Variants in POLA2 observed in about 807,000 individuals in gnomAD.
POLA2 encodes DNA polymerase alpha subunit B.
Under a neutral mutation model 82.8 loss-of-function variants are expected in POLA2, and 47 were observed. The observed-to-expected ratio is 0.57, with a 90% confidence interval of 0.45 to 0.72. The LOEUF (loss-of-function observed/expected upper bound fraction) is 0.72, where lower values mean the gene tolerates loss of function less well. Ranked by LOEUF, POLA2 falls within the 30% of genes least tolerant of loss-of-function variation. The pLI is 0.00. For synonymous variants in POLA2, 287 were observed against 286.8 expected, an observed-to-expected ratio of 1.00 and a Z score of -0.01; for missense variants, 634 against 728.1, an observed-to-expected ratio of 0.87 and a Z score of 1.49.
At chr11:65,263,425 T>C (rs898563359) in intron 1 of POLA2, among the ~76,000 whole-genome samples, 1 of 151,924 alleles carries the variant, frequency 6.6e-6, no homozygotes, top group Non-Finnish European at 1.5e-5. Flanking sequence ...GGTTTCACCA[T>C]GTAGGCCAGA....
chr11:65,271,403 G>C (rs1485842852), intron 4 of POLA2, among the ~76,000 whole-genome samples: 1 of 152,218 alleles, frequency 6.6e-6, no homozygotes, highest in African/African-American at 2.4e-5. Flanking sequence ...TCCGGAGTCT[G>C]ACTCATGGTA....
intron 7 of POLA2, chr11:65,279,857 G>A: frequency 2.2e-6 from 1 of 460,742 alleles, no homozygotes; most frequent in Non-Finnish European, 3.8e-6. Flanking sequence ...TTGCACATAA[G>A]CAGAGACTCA....
intron 4 of POLA2, among the ~76,000 whole-genome samples, chr11:65,271,438 G>A (rs1949520185): frequency 6.6e-6 from 1 of 152,210 alleles, no homozygotes; most frequent in Non-Finnish European, 1.5e-5. Flanking sequence ...AGACTGATGC[G>A]TAAGCCAGGT....
At position 65,295,915 on chromosome 11, in the gene POLA2, G is replaced by A. The variant is rs150210701; in HGVS notation, c.1572G>A (p.Ser524=). 3.4e-5 allele frequency: 55 copies of A among 1,613,940 alleles called. No individual in the cohort carries two copies. The highest frequency in any genetic ancestry group is 4.1e-5 in the Non-Finnish European group (48 of 1,179,936). ...AAGACATGGCCATTGACTATGAGTC[G>A]TTCTATGTTTACGCACAGCTGCCTG... ...PQEDMAIDYE[S]FYVYAQLPVT... Residue 524 remains serine (S), a synonymous_variant, in exon 17 of 18, where the codon TCG becomes TCA. Coordinates refer to ENST00000265465, the MANE Select transcript of POLA2 (RefSeq NM_002689.4).
chr11:65,270,587 T>C (rs182637448), intron 4 of POLA2, among the ~76,000 whole-genome samples: 294 of 152,352 alleles, frequency 1.9e-3, no homozygotes, highest in African/African-American at 6.9e-3. Context: ...TTCCATTGAC[T>C]CAGGCCAAGA....
At chr11:65,268,575 C>T in intron 3 of POLA2, 97 bp from the exon 4 acceptor site, 1 of 723,194 alleles carries the variant, frequency 1.4e-6, no homozygotes, top group Non-Finnish European at 2.4e-6. Context: ...GTCTCCTGAT[C>T]TCGTGATCCG....
intron 4 of POLA2, among the ~76,000 whole-genome samples, chr11:65,269,410 C>G (rs552290781): frequency 6.6e-6 from 1 of 151,434 alleles, no homozygotes; most frequent in South Asian, 2.1e-4. Context: ...TGGCGGGAAC[C>G]TGGGAGGCAG....
chr11:65,283,989 C>T (rs931354372), intron 10 of POLA2, among the ~76,000 whole-genome samples: 10 of 150,972 alleles, frequency 6.6e-5, no homozygotes, highest in Non-Finnish European at 1.5e-4. Flanking sequence ...AAAAAATTAG[C>T]TCGGCATGGT....
intron 17 of POLA2, 138 bp from the exon 18 acceptor site, chr11:65,296,982 G>T: frequency 2.7e-6 from 2 of 732,452 alleles, no homozygotes; most frequent in Non-Finnish European, 4.6e-6. Context: ...CTGAAAATGT[G>T]TCTGGTGATT....
chr11:65,285,717 C>T (rs1345303939), intron 10 of POLA2, among the ~76,000 whole-genome samples: 1 of 152,138 alleles, frequency 6.6e-6, no homozygotes, highest in African/African-American at 2.4e-5. Flanking sequence ...ACCAGAGAAG[C>T]CTTTGGAAAC....
chr11:65,265,419 T>C (rs1949448780), intron 1 of POLA2, among the ~76,000 whole-genome samples: 2 of 152,196 alleles, frequency 1.3e-5, no homozygotes, highest in African/African-American at 4.8e-5. Flanking sequence ...CACTTGACAC[T>C]GTTTGTCATT....
chr11:65,276,580 T>C (rs1384294926), intron 5 of POLA2, among the ~76,000 whole-genome samples: 1 of 152,140 alleles, frequency 6.6e-6, no homozygotes, highest in Non-Finnish European at 1.5e-5. Context: ...ATGTAATTTT[T>C]TGAAATCCAT....
Position 65,277,159 on chromosome 11 carries a change from AT to A in POLA2, c.461+1171del, listed in dbSNP as rs1169827223. Among the ~76,000 whole-genome samples, 310 of 135,710 alleles carry A rather than the reference AT, an allele frequency of 2.3e-3. 1 individual carries two copies. Among genetic ancestry groups the A allele is most frequent in the African/African-American group, 7.7e-3 (282 of 36,700 alleles). 89.0% of individuals were successfully genotyped at this position (135,710 alleles called of 152,430 possible). On this transcript the variant is annotated intron_variant, in intron 5 of 17. Transcript: ENST00000265465. ...GTCATTCAAGGTGAGTGGTCATTGG[AT>A]TTTTTTTTTCTTTTCTTTCTTTTTT... is the stretch of plus-strand genomic sequence containing the variant.
At chr11:65,275,400 G>C (rs1183081199) in intron 4 of POLA2, among the ~76,000 whole-genome samples, 1 of 149,342 alleles carries the variant, frequency 6.7e-6, no homozygotes. Context: ...GTGACCATCA[G>C]ATGTTTGCTA....
rs745852111 is a variant in POLA2 at position 65,295,920 on chromosome 11, A to G, written c.1577A>G (p.Tyr526Cys). 7 of 1,613,972 alleles carry G rather than the reference A, an allele frequency of 4.3e-6. No individual in the cohort carries two copies. Among genetic ancestry groups the G allele is most frequent in the Non-Finnish European group, 5.1e-6 (6 of 1,179,980 alleles). Residue 526 changes from tyrosine (Y) to cysteine (C), a missense_variant, in exon 17 of 18, where the codon TAT (tyrosine) becomes TGT (cysteine). Tyr to Cys is a radical substitution (Grantham distance 194). Coordinates refer to ENST00000265465, the MANE Select transcript of POLA2 (RefSeq NM_002689.4). ...ATGGCCATTGACTATGAGTCGTTCT[A>G]TGTTTACGCACAGCTGCCTGTCACC... The part of the protein sequence containing the change: ...EDMAIDYESF[Y>C]VYAQLPVTPD...
intron 5 of POLA2, among the ~76,000 whole-genome samples, chr11:65,276,429 A>G (rs991958018): frequency 1.3e-5 from 2 of 151,666 alleles, no homozygotes; most frequent in African/African-American, 4.8e-5. Context: ...ATCTTTGTTC[A>G]TAATGTTTCA....
downstream of POLA2, among the ~76,000 whole-genome samples, chr11:65,299,364 G>A (rs80037468): frequency 1.7e-3 from 258 of 152,342 alleles, 10 homozygotes; most frequent in East Asian, 0.046. Flanking sequence ...AGAAGGAGCC[G>A]CCCTCCCTTA....
At chr11:65,295,425 T>C in intron 15 of POLA2, 115 bp from the exon 16 acceptor site, 1 of 869,830 alleles carries the variant, frequency 1.1e-6, no homozygotes, top group South Asian at 1.4e-5. Flanking sequence ...CCTCCTCTTG[T>C]TGCTGTGCCT....
Position 65,267,521 on chromosome 11 carries a change from G to A in POLA2, c.249G>A (p.Lys83=). ...CGAAAGCCAGGCATAGTACCTGCAAGGACAGTGGCCATGCAGGAGCTAGAG... is the reference window on the plus strand; with the variant it reads ...CGAAAGCCAGGCATAGTACCTGCAAAGACAGTGGCCATGCAGGAGCTAGAG... ...RLSKARHSTC[K]DSGHAGARDI... is the part of the protein sequence containing the mutation. Residue 83 remains lysine, a synonymous_variant, in exon 3 of 18, where the codon AAG becomes AAA. Coordinates refer to ENST00000265465, the MANE Select transcript of POLA2 (RefSeq NM_002689.4). 6.2e-7 allele frequency: 1 copy of A among 1,612,340 alleles called. No homozygotes were observed. The highest frequency in any genetic ancestry group is 8.5e-7 in the Non-Finnish European group (1 of 1,179,260).
Sources: allele counts gnomAD v4.1 joint callset (sites outside exome capture counted in the v4.1 genomes callset), GRCh38; gene constraint gnomAD v4.1.1; transcripts MANE v1.5; gene names NCBI Gene and HGNC (gene_info 2026-07-23, HGNC 2026-07-21).